Variants in GASK1B observed in about 807,000 individuals in gnomAD.
GASK1B encodes the protein golgi associated kinase 1B, also known as Golgi-associated kinase 1B.
Under a neutral mutation model 42.8 loss-of-function variants are expected in GASK1B, and 34 were observed. The observed-to-expected ratio is 0.79, with a 90% CI of 0.60 to 1.06. GASK1B has a LOEUF of 1.06. GASK1B is among the 50% of genes least tolerant of loss of function. The pLI is 0.00. For synonymous variants in GASK1B, 262 were observed against 259.1 expected, an observed-to-expected ratio of 1.01 and a Z score of -0.11; for missense variants, 686 against 661.0, an observed-to-expected ratio of 1.04 and a Z score of -0.42.
rs1177493140 is a variant in GASK1B at position 158,165,548 on chromosome 4, A to T, written c.910+4918T>A. Among the ~76,000 whole-genome samples, 8 of 152,350 alleles carry T rather than the reference A, an allele frequency of 5.3e-5. No individual in the cohort carries two copies. In the South Asian group the frequency reaches 1.7e-3, roughly 32 times the overall value. ...CTTGTAGCAGTGTTCATAATGATAC[A>T]TCAATACTGCACTTGAGTAAAAATA... On this transcript the variant is annotated intron_variant, in intron 2 of 4. Transcript: ENST00000585682.
chr4:158,142,214 G>C (rs1731164985), intron 3 of GASK1B, among the ~76,000 whole-genome samples: 1 of 151,748 alleles, frequency 6.6e-6, no homozygotes, highest in Non-Finnish European at 1.5e-5. Context: ...AAAGTGCTGG[G>C]ATTACAGGCG....
Position 158,170,956 on chromosome 4 carries a change from TG to T in GASK1B, c.419del (p.Pro140GlnfsTer23). The T allele has an allele frequency of 6.2e-7, 1 of 1,614,194 alleles. No individual in the cohort carries two copies. Among genetic ancestry groups the T allele is most frequent in the Non-Finnish European group, 8.5e-7 (1 of 1,180,040 alleles). ...RKKHAVASAAPGQEALVGPSL... is the reference protein window; with the variant it reads ...RKKHAVASAAXGQEALVGPSL... ...ATGGTCCGACCAAAGCCTCCTGCCC[TG>T]GGGCAGCCGATGCCACTGCATGCTT... is the stretch of plus-strand genomic sequence containing the variant. On this transcript the variant is annotated frameshift_variant, in exon 2 of 5. Coordinates refer to ENST00000585682, the MANE Select transcript of GASK1B (RefSeq NM_001128424.2). LOFTEE classifies it high-confidence loss of function.
intron 2 of GASK1B, among the ~76,000 whole-genome samples, chr4:158,156,749 C>A (rs990381637): frequency 3.3e-5 from 5 of 152,018 alleles, no homozygotes; most frequent in African/African-American, 9.7e-5. Flanking sequence ...GCTTATAACT[C>A]AAAAATCAGA....
rs751022476 is a variant in GASK1B, at chr4:158,127,471, C to T, written c.1496G>A (p.Arg499Lys). 4.3e-6 allele frequency: 7 copies of T among 1,613,770 alleles called. No individual in the cohort carries two copies. The highest frequency in any genetic ancestry group is 1.3e-5 in the African/African-American group (1 of 75,010). The change falls in exon 5 of 5, where the codon AGA becomes AAA. Residue 499 changes from arginine (R) to lysine (K), a missense_variant. Coordinates refer to ENST00000585682, the MANE Select transcript of GASK1B (RefSeq NM_001128424.2). ...GATATAGGTGATAAGAATTTTGGCT[C>T]TGTGTTCTATTACATCGATAAGCTT... ...IEKLIDVIEH[R>K]AKILITYINA...
intron 2 of GASK1B, among the ~76,000 whole-genome samples, chr4:158,162,517 G>A (rs1732060059): frequency 6.6e-6 from 1 of 152,158 alleles, no homozygotes; most frequent in African/African-American, 2.4e-5. Context: ...TCCTAGTAAG[G>A]TGTAATTTCA....
At chr4:158,137,736 G>C (rs1035571045) in intron 3 of GASK1B, among the ~76,000 whole-genome samples, 3 of 151,372 alleles carry the variant, frequency 2.0e-5, no homozygotes, top group African/African-American at 7.3e-5. Flanking sequence ...CTCCACCCCC[G>C]CCAGCATCTG....
At position 158,127,383 on chromosome 4, in the gene GASK1B, C is replaced by G; in HGVS notation, c.*24G>C. The G allele has an allele frequency of 1.3e-6, 2 of 1,596,068 alleles. No individual in the cohort carries two copies. The highest frequency in any genetic ancestry group is 1.7e-6 in the Non-Finnish European group (2 of 1,168,182). Reference sequence around the variant, plus strand: ...ACCAAAAATGCATAAATATATCTAACACCCTAGCCAGAAGATTCTTTTGTC... The same window carrying G: ...ACCAAAAATGCATAAATATATCTAAGACCCTAGCCAGAAGATTCTTTTGTC... On this transcript the variant is annotated 3_prime_UTR_variant, in exon 5 of 5. Transcript: ENST00000585682.
chr4:158,167,613 C>G (rs187211900), intron 2 of GASK1B, among the ~76,000 whole-genome samples: 38 of 152,284 alleles, frequency 2.5e-4, no homozygotes, highest in Admixed American at 2.2e-3. Context: ...GGGCCAGACT[C>G]TCTGCTAAGA....
At chr4:158,137,793 G>A (rs1730960370) in intron 3 of GASK1B, among the ~76,000 whole-genome samples, 1 of 151,884 alleles carries the variant, frequency 6.6e-6, no homozygotes, top group African/African-American at 2.4e-5. Context: ...TTTCATTTTT[G>A]TTCTCTGCTG....
intron 3 of GASK1B, among the ~76,000 whole-genome samples, chr4:158,154,893 C>T (rs1370366969): frequency 1.3e-5 from 2 of 152,134 alleles, no homozygotes; most frequent in African/African-American, 4.8e-5. Flanking sequence ...AAAGACTACA[C>T]ATTGGGTACA....
intron 2 of GASK1B, among the ~76,000 whole-genome samples, chr4:158,158,799 T>C (rs1287235844): frequency 1.3e-5 from 2 of 152,220 alleles, no homozygotes; most frequent in East Asian, 3.9e-4. Context: ...GAAACTTAAA[T>C]TTCATATGAG....
intron 2 of GASK1B, among the ~76,000 whole-genome samples, chr4:158,157,042 C>T (rs1731784328): frequency 6.6e-6 from 1 of 152,068 alleles, no homozygotes; most frequent in South Asian, 2.1e-4. Flanking sequence ...ATTCTTATCT[C>T]CGGTCTTTAA....
rs371816850 is a variant in GASK1B, at chr4:158,170,931, A to T, written c.445T>A (p.Ser149Thr). Reference sequence around the variant, plus strand: ...CTTGCCGCTTCCTGCGGCTGAAGGGATGGTCCGACCAAAGCCTCCTGCCCT... The same window carrying T: ...CTTGCCGCTTCCTGCGGCTGAAGGGTTGGTCCGACCAAAGCCTCCTGCCCT... ...APGQEALVGPSLQPQEAAREA... is the reference protein window; with the variant it reads ...APGQEALVGPTLQPQEAAREA... Residue 149 changes from serine to threonine, a missense_variant, in exon 2 of 5, where the codon TCC becomes ACC. Coordinates refer to ENST00000585682, the MANE Select transcript of GASK1B (RefSeq NM_001128424.2). 2 of 1,614,080 alleles carry T rather than the reference A, an allele frequency of 1.2e-6. No homozygotes were observed. Among genetic ancestry groups the T allele is most frequent in the Non-Finnish European group, 1.7e-6 (2 of 1,180,044 alleles).
intron 4 of GASK1B, among the ~76,000 whole-genome samples, chr4:158,128,990 T>C (rs1730565447): frequency 6.6e-6 from 1 of 152,168 alleles, no homozygotes; most frequent in Non-Finnish European, 1.5e-5. Flanking sequence ...AACCATTAGA[T>C]CTCTTTAGTG....
chr4:158,155,649 CATG>C lies in GASK1B; in HGVS notation c.1084_1086del (p.His362del), dbSNP rs1411819826. On this transcript the variant is annotated inframe_deletion, in exon 3 of 5. Transcript: ENST00000585682. ...TCAAAGAGTGCCATCTTGGACCACT[CATG>C]ATGATGTATTTCAGTACAACCCGAT... 1 of 1,613,706 alleles carries C rather than the reference CATG, an allele frequency of 6.2e-7. No individual in the cohort carries two copies. The highest frequency in any genetic ancestry group is 8.5e-7 in the Non-Finnish European group (1 of 1,179,782).
intron 2 of GASK1B, chr4:158,170,251 G>C: frequency 6.2e-7 from 1 of 1,614,174 alleles, no homozygotes; most frequent in South Asian, 1.1e-5. Context: ...GCTTACTCTT[G>C]CATGTCCAAT....
chr4:158,153,261 A>T (rs1306213608), intron 3 of GASK1B, among the ~76,000 whole-genome samples: 1 of 152,160 alleles, frequency 6.6e-6, no homozygotes, highest in Non-Finnish European at 1.5e-5. Flanking sequence ...AGCTGCAAAA[A>T]ATAAAATAAA....
At chr4:158,172,789 T>C (rs1732614186) in intron 1 of GASK1B, 79 bp downstream of exon 1, 1 of 151,968 alleles carries the variant, frequency 6.6e-6, no homozygotes, top group Non-Finnish European at 1.5e-5. Flanking sequence ...ACTTGTAAAA[T>C]GAGGAATGCC....
chr4:158,163,815 A>AC (rs34960632), intron 2 of GASK1B, among the ~76,000 whole-genome samples: 1 of 152,114 alleles, frequency 6.6e-6, no homozygotes, highest in African/African-American at 2.4e-5. Context: ...GCCCGTCCAC[A>AC]CCCCCAAACA....
Sources: gnomAD v4.1 joint callset for allele counts (sites outside exome capture counted in the v4.1 genomes callset) on GRCh38, gnomAD v4.1.1 for gene constraint, MANE v1.5 for transcripts, NCBI Gene and HGNC (gene_info 2026-07-23, HGNC 2026-07-21) for gene names.